The following SOX6 variants were observed in gnomAD, a reference collection of about 807,000 sequenced individuals.
SOX6 encodes SRY-box transcription factor 6.
SOX6 carries 11 observed loss-of-function variants against 97.8 expected under a neutral mutation model. The ratio of observed to expected loss-of-function variants is 0.11; its 90% CI spans 0.07 to 0.19. The LOEUF (loss-of-function observed/expected upper bound fraction) is 0.19, where lower values mean the gene tolerates loss of function less well. Among genes scored for constraint, SOX6 ranks in the 10% least tolerant of loss-of-function variants. The pLI, the probability that SOX6 is intolerant of heterozygous loss-of-function variation, is 1.00. For missense variants in SOX6, 810 were observed against 1,039.5 expected (o/e 0.78, Z 3.04); for synonymous variants, 360 against 371.4 (o/e 0.97, Z 0.35).
intron 4 of SOX6, among the ~76,000 whole-genome samples, chr11:16,534,461 C>T (rs982916384): frequency 1.2e-4 from 18 of 152,028 alleles, no homozygotes; most frequent in Non-Finnish European, 2.4e-4. Flanking sequence ...TAAAGGGCTT[C>T]CAAGTTCCCT....
chr11:16,039,099 A>G (rs1295319700), intron 12 of SOX6, among the ~76,000 whole-genome samples: 3 of 152,128 alleles, frequency 2.0e-5, no homozygotes, highest in African/African-American at 4.8e-5. Flanking sequence ...TATGTATGAC[A>G]AGAATTTTTG....
At chr11:16,338,935 A>C (rs1175436767) in intron 2 of SOX6, among the ~76,000 whole-genome samples, 1 of 152,076 alleles carries the variant, frequency 6.6e-6, no homozygotes, top group African/African-American at 2.4e-5. Context: ...TCTAGGAAAA[A>C]TAAGTATAGT....
chr11:16,560,693 C>T (rs1847805443), intron 4 of SOX6, among the ~76,000 whole-genome samples: 1 of 151,784 alleles, frequency 6.6e-6, no homozygotes. Context: ...TGTGGGGCTA[C>T]AACTTTGCCA....
At chr11:16,031,882 G>A (rs1485065963) in intron 12 of SOX6, among the ~76,000 whole-genome samples, 3 of 151,604 alleles carry the variant, frequency 2.0e-5, no homozygotes, top group African/African-American at 7.3e-5. Flanking sequence ...TGGACCGAGG[G>A]CGATGCATCC....
chr11:16,023,437 A>C (rs147719351), intron 12 of SOX6: 3 of 152,254 alleles, frequency 2.0e-5, no homozygotes, highest in Admixed American at 2.0e-4. Context: ...TTTTAAATAA[A>C]ATGCAATTAT....
chr11:16,385,610 C>A (rs996208229), intron 1 of SOX6, among the ~76,000 whole-genome samples: 1 of 151,904 alleles, frequency 6.6e-6, no homozygotes, highest in Admixed American at 6.6e-5. Context: ...ATGTTGGGAG[C>A]ATATTTTAAT....
At chr11:15,999,354 C>T (rs1267002289) in intron 13 of SOX6, among the ~76,000 whole-genome samples, 2 of 152,008 alleles carry the variant, frequency 1.3e-5, no homozygotes, top group African/African-American at 4.8e-5. Flanking sequence ...TTACTTATGA[C>T]CCAGCAAACA....
At chr11:16,730,029 A>AATATATATATATATATATATATATATAT (rs34591978) in intron 2 of SOX6, among the ~76,000 whole-genome samples, 1 of 142,620 alleles carries the variant, frequency 7.0e-6, no homozygotes, top group African/African-American at 2.6e-5. Context: ...AACTATCCTA[A>AATATATATATATATATATATATATATAT]ATATATATAT....
chr11:16,286,284 TCA>T (rs1854740950), intron 3 of SOX6, among the ~76,000 whole-genome samples: 1 of 152,078 alleles, frequency 6.6e-6, no homozygotes, highest in African/African-American at 2.4e-5. Context: ...ATGACTAACG[TCA>T]TTGCTTAAAG....
chr11:16,645,381 C>T (rs565444899), intron 3 of SOX6, among the ~76,000 whole-genome samples: 46 of 152,238 alleles, frequency 3.0e-4, no homozygotes, highest in African/African-American at 8.7e-4. Context: ...CCACATATTT[C>T]GGGTTTTTAT....
chr11:16,366,320 T>C (rs1184535548), intron 1 of SOX6, among the ~76,000 whole-genome samples: 1 of 152,090 alleles, frequency 6.6e-6, no homozygotes, highest in Admixed American at 6.6e-5. Context: ...CCTGACATCC[T>C]GAAAAGGGAG....
intron 1 of SOX6, among the ~76,000 whole-genome samples, chr11:16,435,898 C>T (rs1859366934): frequency 6.6e-6 from 1 of 152,062 alleles, no homozygotes. Context: ...ACCCTTCCCT[C>T]AGTGGTCTCT....
At chr11:16,101,554 T>G (rs148147494) in intron 7 of SOX6, among the ~76,000 whole-genome samples, 1 of 151,822 alleles carries the variant, frequency 6.6e-6, no homozygotes, top group East Asian at 1.9e-4. Context: ...TCTTCACTTA[T>G]TTCACAGCTG....
chr11:16,503,563 A>G (rs933776648), intron 4 of SOX6, among the ~76,000 whole-genome samples: 11 of 152,148 alleles, frequency 7.2e-5, no homozygotes, highest in African/African-American at 2.7e-4. Context: ...TCACCTGTGA[A>G]GACACAGAGC....
chr11:16,010,800 C>G (rs781362096), intron 13 of SOX6, among the ~76,000 whole-genome samples: 3 of 151,892 alleles, frequency 2.0e-5, no homozygotes, highest in Non-Finnish European at 4.4e-5. Context: ...GCAAGTGGCA[C>G]AAATACAACC....
chr11:16,075,420 T>C (rs1365652706), intron 9 of SOX6, among the ~76,000 whole-genome samples: 1 of 152,008 alleles, frequency 6.6e-6, no homozygotes, highest in Non-Finnish European at 1.5e-5. Flanking sequence ...TGTCCATCAA[T>C]AATAAACTGG....
intron 4 of SOX6, among the ~76,000 whole-genome samples, chr11:16,515,351 A>G (rs1565168743): frequency 6.7e-6 from 1 of 149,660 alleles, no homozygotes; most frequent in Non-Finnish European, 1.5e-5. Context: ...TCTTCTTTTG[A>G]GAAGTGTCTG....
At chr11:16,420,247 G>C (rs540711189) in intron 1 of SOX6, among the ~76,000 whole-genome samples, 1 of 152,238 alleles carries the variant, frequency 6.6e-6, no homozygotes, top group Admixed American at 6.5e-5. Context: ...CAATTAATAA[G>C]TTTTTTAAAG....
intron 2 of SOX6, among the ~76,000 whole-genome samples, chr11:16,735,022 T>C (rs1462939295): frequency 6.6e-6 from 1 of 152,196 alleles, no homozygotes; most frequent in African/African-American, 2.4e-5. Flanking sequence ...TTCTATCAAC[T>C]TAATTCTGTA....
Sources: allele counts gnomAD v4.1 joint callset (sites outside exome capture counted in the v4.1 genomes callset), GRCh38; gene constraint gnomAD v4.1.1; transcripts MANE v1.5; gene names NCBI Gene and HGNC (gene_info 2026-07-23, HGNC 2026-07-21).